The following CTXND1 variants were observed in gnomAD, a reference collection of about 807,000 sequenced individuals.
CTXND1 encodes cortexin domain containing 1.
At chr15:80,209,815 G>A (rs537570477) in intron 1 of CTXND1, among the ~76,000 whole-genome samples, 2 of 152,256 alleles carry the variant, frequency 1.3e-5, no homozygotes, top group East Asian at 3.9e-4. Context: ...CAGGGAAGGC[G>A]CATATATTTG....
intron 1 of CTXND1, among the ~76,000 whole-genome samples, chr15:80,217,255 A>G (rs1304066906): frequency 6.6e-6 from 1 of 152,208 alleles, no homozygotes; most frequent in African/African-American, 2.4e-5. Flanking sequence ...CAAAACTCCC[A>G]CATGAGTTTG....
intron 1 of CTXND1, among the ~76,000 whole-genome samples, chr15:80,247,707 T>C (rs1043451531): frequency 6.6e-6 from 1 of 152,140 alleles, no homozygotes; most frequent in Non-Finnish European, 1.5e-5. Context: ...TAACAATAAT[T>C]TCCTTGTTCA....
rs1893702905 is a variant in CTXND1 at position 80,252,032 on chromosome 15, C to G, written c.-243G>C. On this transcript the variant is annotated 5_prime_UTR_variant, in exon 1 of 3. Coordinates refer to ENST00000560778, the MANE Select transcript of CTXND1 (RefSeq NM_001352888.2). ...CTGGCGAGGCCCGTCCCGTGCGCTCCCGGGGTCCTGGCTGGGCCGGCGCCG... is the reference window on the plus strand; with the variant it reads ...CTGGCGAGGCCCGTCCCGTGCGCTCGCGGGGTCCTGGCTGGGCCGGCGCCG... 6.6e-6 allele frequency: 1 copy of G among 151,666 alleles called. No individual in the cohort carries two copies. The highest frequency in any genetic ancestry group is 1.5e-5 in the Non-Finnish European group (1 of 67,872). The allele number at this position is 151,666 out of a possible 1,614,324, so 9.4% of individuals were successfully genotyped here.
At chr15:80,215,750 C>A (rs780573518) in intron 1 of CTXND1, among the ~76,000 whole-genome samples, 4 of 152,192 alleles carry the variant, frequency 2.6e-5, no homozygotes, top group Non-Finnish European at 5.9e-5. Context: ...CTCTTAAGAG[C>A]CCAACTCAGC....
chr15:80,215,688 G>A (rs767125798), intron 1 of CTXND1, among the ~76,000 whole-genome samples: 4 of 152,096 alleles, frequency 2.6e-5, no homozygotes, highest in Non-Finnish European at 5.9e-5. Context: ...CAGGATGGCT[G>A]GATTGGAAAC....
intron 1 of CTXND1, among the ~76,000 whole-genome samples, chr15:80,233,695 C>G (rs747147253): frequency 1.7e-4 from 26 of 152,196 alleles, no homozygotes; most frequent in Non-Finnish European, 3.2e-4. Context: ...AAGCCCACTT[C>G]CCCCACAGCG....
At chr15:80,205,766 T>A (rs1039769107) in intron 1 of CTXND1, among the ~76,000 whole-genome samples, 4 of 152,170 alleles carry the variant, frequency 2.6e-5, no homozygotes, top group African/African-American at 9.7e-5. Context: ...TTTTAGTCAG[T>A]TGAGGCGATG....
intron 1 of CTXND1, among the ~76,000 whole-genome samples, chr15:80,228,270 A>G (rs562205333): frequency 6.6e-6 from 1 of 152,016 alleles, no homozygotes; most frequent in South Asian, 2.1e-4. Flanking sequence ...TTTCTTCCAA[A>G]CTCCTGTCAG....
intron 1 of CTXND1, among the ~76,000 whole-genome samples, chr15:80,216,475 C>T (rs1452117838): frequency 6.6e-6 from 1 of 152,150 alleles, no homozygotes; most frequent in Non-Finnish European, 1.5e-5. Flanking sequence ...TACATAGCAG[C>T]AGGGGGACCA....
At chr15:80,232,878 C>T (rs1893446960) in intron 1 of CTXND1, among the ~76,000 whole-genome samples, 2 of 151,974 alleles carry the variant, frequency 1.3e-5, no homozygotes, top group Admixed American at 1.3e-4. Context: ...GGCATAATGT[C>T]CAGGCTCAGG....
chr15:80,210,125 A>G (rs1893190163), intron 1 of CTXND1, among the ~76,000 whole-genome samples: 1 of 152,210 alleles, frequency 6.6e-6, no homozygotes, highest in African/African-American at 2.4e-5. Flanking sequence ...ATAGAAACAC[A>G]GGCCTGGCCA....
intron 1 of CTXND1, among the ~76,000 whole-genome samples, chr15:80,237,336 G>GAA (rs201997173): frequency 0.05 from 5,066 of 101,186 alleles, 141 homozygotes; most frequent in Non-Finnish European, 0.074. Flanking sequence ...CAGTGTCTCA[G>GAA]AAAAAAAAAA....
At chr15:80,202,158 G>A (rs1392942053) in intron 2 of CTXND1, 144 bp from the exon 3 acceptor site, 1 of 384,536 alleles carries the variant, frequency 2.6e-6, no homozygotes, top group East Asian at 3.7e-5. Context: ...GAGGGTAGGA[G>A]GGGATGGGTA....
chr15:80,241,497 T>C (rs1176279245), intron 1 of CTXND1, among the ~76,000 whole-genome samples: 1 of 152,174 alleles, frequency 6.6e-6, no homozygotes, highest in Non-Finnish European at 1.5e-5. Context: ...GACCCCCTTT[T>C]GGGTTTCTGA....
At chr15:80,204,531 A>G (rs376191497) in intron 1 of CTXND1, among the ~76,000 whole-genome samples, 1 of 151,746 alleles carries the variant, frequency 6.6e-6, no homozygotes, top group East Asian at 1.9e-4. Context: ...GTGGAATTGT[A>G]CAGTATTTGT....
At chr15:80,236,781 T>TAAAA (rs375195033) in intron 1 of CTXND1, among the ~76,000 whole-genome samples, 27,504 of 140,754 alleles carry the variant, frequency 0.2, 2,805 homozygotes, top group Middle Eastern at 0.26. Flanking sequence ...GGACTCGGTC[T>TAAAA]AAAAAAAAAA....
At chr15:80,240,031 T>C (rs1451861477) in intron 1 of CTXND1, among the ~76,000 whole-genome samples, 1 of 152,238 alleles carries the variant, frequency 6.6e-6, no homozygotes, top group Non-Finnish European at 1.5e-5. Flanking sequence ...AATGGCACGA[T>C]CTCAGCCCAC....
chr15:80,214,489 A>G (rs1893232280), intron 1 of CTXND1, among the ~76,000 whole-genome samples: 1 of 152,214 alleles, frequency 6.6e-6, no homozygotes, highest in African/African-American at 2.4e-5. Flanking sequence ...TAAACAAAAC[A>G]ACAAACCAAC....
chr15:80,207,287 T>C (rs1283158084), intron 1 of CTXND1, among the ~76,000 whole-genome samples: 1 of 148,012 alleles, frequency 6.8e-6, no homozygotes, highest in African/African-American at 2.5e-5. Context: ...TATGCTTTTT[T>C]CCTGTTTTTT....
Sources: gnomAD v4.1 joint callset for allele counts (sites outside exome capture counted in the v4.1 genomes callset) on GRCh38, gnomAD v4.1.1 for gene constraint, MANE v1.5 for transcripts, NCBI Gene and HGNC (gene_info 2026-07-23, HGNC 2026-07-21) for gene names.